The following ZNF385D variants were observed in gnomAD, a reference collection of about 807,000 sequenced individuals.
ZNF385D encodes the protein zinc finger protein 659.
Under a neutral mutation model 35.8 loss-of-function variants are expected in ZNF385D, and 15 were observed. The ratio of observed to expected loss-of-function variants is 0.42; its 90% CI spans 0.28 to 0.64. The LOEUF (loss-of-function observed/expected upper bound fraction) is 0.64. Among genes scored for constraint, ZNF385D ranks in the 30% least tolerant of loss-of-function variants. The pLI, the probability that ZNF385D is intolerant of heterozygous loss-of-function variation, is 0.23. For synonymous variants in ZNF385D, 212 were observed against 186.8 expected (o/e 1.13, Z -1.10); for missense variants, 474 against 494.6 (o/e 0.96, Z 0.39).
intron 3 of ZNF385D, among the ~76,000 whole-genome samples, chr3:22,017,131 T>G (rs1368905046): frequency 6.6e-6 from 1 of 152,076 alleles, no homozygotes; most frequent in Non-Finnish European, 1.5e-5. Flanking sequence ...GGTTAACATT[T>G]TGTTATATAT....
Position 21,692,543 on chromosome 3 carries a change from C to T in ZNF385D, c.23-27515G>A, listed in dbSNP as rs184527298. On this transcript the variant is annotated intron_variant, in intron 1 of 7. Coordinates refer to ENST00000281523, the MANE Select transcript of ZNF385D (RefSeq NM_024697.3). ...AATGATGTCCTAAGTGCTTCTCAAC[C>T]CTCCTCTTCCTACTTGACACCAGTC... Among the ~76,000 whole-genome samples the T allele has an allele frequency of 3.2e-3, 493 of 152,286 alleles. 2 individuals are homozygous for T. Among genetic ancestry groups the T allele is most frequent in the African/African-American group, 0.011 (473 of 41,548 alleles).
At chr3:21,462,348 T>C (rs1010900543) in intron 4 of ZNF385D, among the ~76,000 whole-genome samples, 4 of 152,198 alleles carry the variant, frequency 2.6e-5, no homozygotes, top group African/African-American at 7.2e-5. Context: ...ACATTCATCA[T>C]AGAACCAACT....
At chr3:22,123,962 C>CTCTCTATATA (rs1491571691) in intron 3 of ZNF385D, among the ~76,000 whole-genome samples, 3 of 61,838 alleles carry the variant, frequency 4.9e-5, no homozygotes, top group Non-Finnish European at 6.2e-5. Flanking sequence ...CTCTCTCTCT[C>CTCTCTATATA]TATATATATA....
At chr3:22,336,899 A>C (rs756915324) in intron 2 of ZNF385D, among the ~76,000 whole-genome samples, 1 of 108,472 alleles carries the variant, frequency 9.2e-6, no homozygotes, top group Non-Finnish European at 2.0e-5. Context: ...CTATGCAAAC[A>C]GTGATTTTTC....
intron 3 of ZNF385D, among the ~76,000 whole-genome samples, chr3:22,145,999 T>C (rs929799998): frequency 1.3e-5 from 2 of 152,056 alleles, no homozygotes; most frequent in Admixed American, 6.6e-5. Flanking sequence ...GTCTAGGTGG[T>C]CAGTGAAAGA....
In ZNF385D at chr3:22,330,899, C is replaced by T. The variant is rs542228201; in HGVS notation, c.106+41551G>A. Among the ~76,000 whole-genome samples the T allele has an allele frequency of 1.6e-3, 245 of 152,324 alleles. 2 individuals carry two copies. Among genetic ancestry groups the T allele is most frequent in the Middle Eastern group, 0.014 (4 of 292 alleles). On this transcript the variant is annotated intron_variant, in intron 2 of 5. Coordinates refer to the ZNF385D transcript ENST00000494108. ...TATCTCCAAATTTAGATTAGAAGGT[C>T]AGAAACCCTGCAGCATCAGCCCAAC...
At chr3:21,538,334 T>A (rs2062088364) in intron 3 of ZNF385D, among the ~76,000 whole-genome samples, 1 of 152,130 alleles carries the variant, frequency 6.6e-6, no homozygotes, top group East Asian at 1.9e-4. Flanking sequence ...TCCCTCCATT[T>A]CCAGATACAG....
chr3:21,930,578 A>G (rs1405623246), intron 3 of ZNF385D, among the ~76,000 whole-genome samples: 2 of 152,140 alleles, frequency 1.3e-5, no homozygotes, highest in Non-Finnish European at 2.9e-5. Context: ...ATCAATTGTC[A>G]AAATTTTACT....
intron 1 of ZNF385D, among the ~76,000 whole-genome samples, chr3:21,738,172 T>C (rs73046301): frequency 0.19 from 29,401 of 152,202 alleles, 2,940 homozygotes; most frequent in Middle Eastern, 0.3. Context: ...TGTGAGTTTG[T>C]TGCCTTCTTC....
intron 3 of ZNF385D, among the ~76,000 whole-genome samples, chr3:22,033,632 T>A (rs1451710484): frequency 6.6e-6 from 1 of 151,972 alleles, no homozygotes; most frequent in Admixed American, 6.6e-5. Context: ...AAATGCAAAC[T>A]AAAATCACTC....
At chr3:21,666,827 C>A (rs558879978) in intron 1 of ZNF385D, among the ~76,000 whole-genome samples, 1 of 152,154 alleles carries the variant, frequency 6.6e-6, no homozygotes, top group Non-Finnish European at 1.5e-5. Flanking sequence ...CCTGTAATCC[C>A]AGCACTTTGG....
intron 2 of ZNF385D, among the ~76,000 whole-genome samples, chr3:22,285,274 A>G (rs968472501): frequency 7.2e-5 from 11 of 152,172 alleles, no homozygotes; most frequent in African/African-American, 2.4e-4. Flanking sequence ...CTAACCCTCC[A>G]CCACATTCCT....
At chr3:22,260,967 C>T (rs1207449140) in intron 2 of ZNF385D, among the ~76,000 whole-genome samples, 2 of 151,942 alleles carry the variant, frequency 1.3e-5, no homozygotes, top group Admixed American at 6.6e-5. Context: ...TCACGGAATT[C>T]TTCAGAAACT....
intron 4 of ZNF385D, among the ~76,000 whole-genome samples, chr3:21,478,532 G>A (rs961276313): frequency 1.3e-5 from 2 of 152,200 alleles, no homozygotes; most frequent in Non-Finnish European, 2.9e-5. Flanking sequence ...GAGCCACAGT[G>A]AAGAACAAAC....
At chr3:21,786,389 A>AT (rs890158129) in intron 3 of ZNF385D, among the ~76,000 whole-genome samples, 15 of 150,876 alleles carry the variant, frequency 9.9e-5, no homozygotes, top group South Asian at 6.3e-4. Flanking sequence ...GGAAGTCGGC[A>AT]TTTTTTTTTT....
intron 3 of ZNF385D, among the ~76,000 whole-genome samples, chr3:21,941,969 C>T (rs1351767487): frequency 2.0e-5 from 3 of 152,116 alleles, no homozygotes; most frequent in Non-Finnish European, 2.9e-5. Context: ...AGGTTATATA[C>T]AATTATTCTT....
At chr3:21,577,818 T>C (rs962255813) in intron 2 of ZNF385D, among the ~76,000 whole-genome samples, 8 of 151,378 alleles carry the variant, frequency 5.3e-5, no homozygotes, top group Non-Finnish European at 8.8e-5. Context: ...TTTTCTTTTT[T>C]TTTTTTTTCG....
intron 3 of ZNF385D, among the ~76,000 whole-genome samples, chr3:21,876,913 T>C (rs1698006410): frequency 6.6e-6 from 1 of 152,122 alleles, no homozygotes; most frequent in Non-Finnish European, 1.5e-5. Flanking sequence ...GTTTACATTA[T>C]GTGTTTGCCC....
intron 4 of ZNF385D, among the ~76,000 whole-genome samples, chr3:21,509,055 G>T (rs1707002088): frequency 6.6e-6 from 1 of 150,408 alleles, no homozygotes; most frequent in Non-Finnish European, 1.5e-5. Flanking sequence ...TCGGCTCACA[G>T]CAAGCTCCGG....
Sources: allele counts gnomAD v4.1 joint callset (sites outside exome capture counted in the v4.1 genomes callset), GRCh38; gene constraint gnomAD v4.1.1; transcripts MANE v1.5; gene names NCBI Gene and HGNC (gene_info 2026-07-23, HGNC 2026-07-21).